Variants in PTPN12 observed in about 807,000 individuals in gnomAD.
PTPN12 encodes protein tyrosine phosphatase non-receptor type 12.
A neutral mutation model predicts 97.6 loss-of-function variants in PTPN12; 29 were observed. The ratio of observed to expected loss-of-function variants is 0.30; its 90% CI spans 0.22 to 0.41. The LOEUF (loss-of-function observed/expected upper bound fraction) is 0.41. PTPN12 is among the 10% of genes least tolerant of loss of function. The pLI, the probability that PTPN12 is intolerant of heterozygous loss-of-function variation, is 1.00. For missense variants in PTPN12, 819 were observed against 926.0 expected, an observed-to-expected ratio of 0.88 and a Z score of 1.50; for synonymous variants, 327 against 300.4, an observed-to-expected ratio of 1.09 and a Z score of -0.91.
At chr7:77,618,457 T>G in intron 11 of PTPN12, 23 bp from the exon 12 acceptor site, 4 of 1,450,950 alleles carry the variant, frequency 2.8e-6, no homozygotes, top group Non-Finnish European at 3.8e-6. Flanking sequence ...TTAACCTTAG[T>G]GAAGTATTTT....
chr7:77,608,492 A>G (rs1188718173), intron 9 of PTPN12, among the ~76,000 whole-genome samples: 16 of 152,306 alleles, frequency 1.1e-4, no homozygotes, highest in African/African-American at 3.6e-4. Context: ...TCTCTTCATT[A>G]TGTATACATT....
intron 1 of PTPN12, among the ~76,000 whole-genome samples, chr7:77,570,040 A>C (rs1808409369): frequency 6.6e-6 from 1 of 152,178 alleles, no homozygotes; most frequent in Non-Finnish European, 1.5e-5. Flanking sequence ...CTCTATTACC[A>C]CAGGAAATCA....
chr7:77,632,303 T>G (rs761655831), intron 13 of PTPN12, 45 bp from the exon 14 acceptor site: 2 of 1,344,594 alleles, frequency 1.5e-6, no homozygotes, highest in South Asian at 1.2e-5. Context: ...TGATTTTGTT[T>G]AGATGACATG....
chr7:77,631,747 A>G (rs1480907801), intron 13 of PTPN12, among the ~76,000 whole-genome samples: 1 of 152,246 alleles, frequency 6.6e-6, no homozygotes, highest in Non-Finnish European at 1.5e-5. Flanking sequence ...ATCTTTAGCA[A>G]TAAATAAATG....
chr7:77,581,038 TTTTTGTTTTG>T (rs140098952), intron 2 of PTPN12, among the ~76,000 whole-genome samples: 33 of 151,916 alleles, frequency 2.2e-4, no homozygotes, highest in Non-Finnish European at 3.7e-4. Flanking sequence ...TGGTGGTGTT[TTTTTGTTTTG>T]TTTTGTTTTG....
At chr7:77,604,499 C>T (rs1050328383) in intron 8 of PTPN12, among the ~76,000 whole-genome samples, 2 of 152,016 alleles carry the variant, frequency 1.3e-5, no homozygotes, top group African/African-American at 4.8e-5. Flanking sequence ...CAGGCGTGAA[C>T]CACTGCGCCC....
chr7:77,624,374 ATCTTC>A (rs1326889155), intron 12 of PTPN12, among the ~76,000 whole-genome samples: 2 of 152,142 alleles, frequency 1.3e-5, no homozygotes, highest in African/African-American at 2.4e-5. Flanking sequence ...ATATTCATTT[ATCTTC>A]TCATGTCCTA....
At chr7:77,614,038 C>A (rs565678929) in intron 11 of PTPN12, among the ~76,000 whole-genome samples, 2 of 151,928 alleles carry the variant, frequency 1.3e-5, no homozygotes, top group African/African-American at 2.4e-5. Flanking sequence ...ACTATAGGCA[C>A]ATATACCACA....
chr7:77,625,468 G>GCGCGCGCT (rs1218191468), intron 12 of PTPN12, among the ~76,000 whole-genome samples: 1 of 24,752 alleles, frequency 4.0e-5, no homozygotes, highest in East Asian at 1.8e-3. Flanking sequence ...TGCCCAGGCT[G>GCGCGCGCT]CTCGCTCTCT....
chr7:77,631,515 G>T (rs1789395546), intron 13 of PTPN12, among the ~76,000 whole-genome samples: 1 of 152,108 alleles, frequency 6.6e-6, no homozygotes, highest in South Asian at 2.1e-4. Context: ...CAACCTGAGA[G>T]TTCACACACA....
At chr7:77,608,882 TA>T (rs1788463702) in intron 9 of PTPN12, among the ~76,000 whole-genome samples, 1 of 152,214 alleles carries the variant, frequency 6.6e-6, no homozygotes, top group Non-Finnish European at 1.5e-5. Flanking sequence ...AAGGGACACA[TA>T]AATGAATGCT....
rs1449453661 is a variant in PTPN12, at chr7:77,626,629, C to T, written c.1026-76C>T. On this transcript the variant is annotated intron_variant, in intron 12 of 17. Coordinates refer to ENST00000248594, the MANE Select transcript of PTPN12 (RefSeq NM_002835.4). ...GATTGTAATGGCTCTTAATATGCTA[C>T]TCTTAGCTACATAATTCTCAGGTAT... The T allele has an allele frequency of 5.5e-6, 8 of 1,449,178 alleles. No individual in the cohort carries two copies. In the East Asian group the frequency reaches 9.2e-5, roughly 17 times the overall value. 89.8% of individuals were successfully genotyped at this position (1,449,178 alleles called of 1,614,324 possible). A position where few individuals can be genotyped will look rare whatever the true frequency, so the allele number is the denominator to read the frequency against.
intron 9 of PTPN12, among the ~76,000 whole-genome samples, chr7:77,608,724 T>C (rs1169531688): frequency 6.6e-6 from 1 of 152,242 alleles, no homozygotes; most frequent in African/African-American, 2.4e-5. Flanking sequence ...TGTTAAACAG[T>C]TCCTTAAAAA....
chr7:77,547,032 T>C (rs943132784), intron 1 of PTPN12, among the ~76,000 whole-genome samples: 1 of 152,212 alleles, frequency 6.6e-6, no homozygotes, highest in Admixed American at 6.5e-5. Context: ...TATCTACATT[T>C]CCTGTAATAA....
At chr7:77,593,692 C>G (rs1026904165) in intron 6 of PTPN12, among the ~76,000 whole-genome samples, 1 of 152,234 alleles carries the variant, frequency 6.6e-6, no homozygotes, top group African/African-American at 2.4e-5. Context: ...GGACAGTTTG[C>G]TTTACTCAGA....
intron 2 of PTPN12, among the ~76,000 whole-genome samples, chr7:77,577,265 C>CCA (rs1787372461): frequency 6.6e-6 from 1 of 152,190 alleles, no homozygotes; most frequent in Non-Finnish European, 1.5e-5. Flanking sequence ...TCAAATGTGT[C>CCA]ACTGCCATCT....
chr7:77,549,871 T>C (rs117586142), intron 1 of PTPN12, among the ~76,000 whole-genome samples: 2,789 of 152,290 alleles, frequency 0.018, 34 homozygotes, highest in Middle Eastern at 0.072. Context: ...TGAGCGACTG[T>C]GCCTGGCCCT....
At chr7:77,615,186 T>C (rs548606848) in intron 11 of PTPN12, among the ~76,000 whole-genome samples, 1 of 152,320 alleles carries the variant, frequency 6.6e-6, no homozygotes, top group South Asian at 2.1e-4. Context: ...GATTAAGTAA[T>C]AGCAATAACA....
chr7:77,545,754 C>T (rs1267341014), intron 1 of PTPN12: 1 of 152,066 alleles, frequency 6.6e-6, no homozygotes, highest in Non-Finnish European at 1.5e-5. Flanking sequence ...ACCTTCTTAA[C>T]ATAATGTCAC....
Sources: gnomAD v4.1 joint callset for allele counts (sites outside exome capture counted in the v4.1 genomes callset) on GRCh38, gnomAD v4.1.1 for gene constraint, MANE v1.5 for transcripts, NCBI Gene and HGNC (gene_info 2026-07-23, HGNC 2026-07-21) for gene names.